LMX1A: variants seen among roughly 807,000 people sequenced by gnomAD.
LMX1A encodes LIM homeobox transcription factor 1-alpha.
Under a neutral mutation model 49.1 loss-of-function variants are expected in LMX1A, and 15 were observed. That is an observed-to-expected ratio of 0.31 (90% CI 0.20 to 0.47). The LOEUF (loss-of-function observed/expected upper bound fraction) is 0.47, where lower values mean the gene tolerates loss of function less well. LMX1A is among the 20% of genes least tolerant of loss of function. The pLI is 1.00. For missense variants in LMX1A, 372 were observed against 475.8 expected, an observed-to-expected ratio of 0.78 and a Z score of 2.03; for synonymous variants, 167 against 185.7, an observed-to-expected ratio of 0.90 and a Z score of 0.82.
chr1:165,207,995 G>C (rs2102595970), intron 7 of LMX1A, 68 bp downstream of exon 7: 1 of 1,355,336 alleles, frequency 7.4e-7, no homozygotes, highest in East Asian at 2.3e-5. Flanking sequence ...GAGCTGGGTA[G>C]TGGGAGGCCT....
intron 3 of LMX1A, among the ~76,000 whole-genome samples, chr1:165,333,029 A>T (rs189458691): frequency 6.6e-6 from 1 of 152,246 alleles, no homozygotes; most frequent in Non-Finnish European, 1.5e-5. Context: ...TGGGACCATC[A>T]CTTAGCCTCT....
At chr1:165,294,745 C>T (rs1654568724) in intron 3 of LMX1A, among the ~76,000 whole-genome samples, 1 of 152,224 alleles carries the variant, frequency 6.6e-6, no homozygotes, top group South Asian at 2.1e-4. Flanking sequence ...AGGCGGATCA[C>T]TTGAGGTCAG....
chr1:165,338,423 C>A (rs1321634896), intron 3 of LMX1A, among the ~76,000 whole-genome samples: 1 of 152,132 alleles, frequency 6.6e-6, no homozygotes, highest in African/African-American at 2.4e-5. Flanking sequence ...GGGAAAGGGG[C>A]CGGTGATGGA....
At chr1:165,285,856 G>T (rs1030197317) in intron 3 of LMX1A, among the ~76,000 whole-genome samples, 13 of 152,216 alleles carry the variant, frequency 8.5e-5, no homozygotes, top group Admixed American at 8.5e-4. Context: ...AAGGACGGGG[G>T]CTATGAGACA....
chr1:165,348,166 C>T (rs1656306593), intron 3 of LMX1A, among the ~76,000 whole-genome samples: 1 of 151,986 alleles, frequency 6.6e-6, no homozygotes, highest in African/African-American at 2.4e-5. Context: ...TAAAACGAGA[C>T]TGAATAAATA....
chr1:165,224,084 T>G (rs1362930011), intron 4 of LMX1A, among the ~76,000 whole-genome samples: 1 of 152,198 alleles, frequency 6.6e-6, no homozygotes, highest in Non-Finnish European at 1.5e-5. Flanking sequence ...ACACCATCCC[T>G]CTTGGTGTTG....
chr1:165,276,369 C>G (rs1475140994), intron 3 of LMX1A, among the ~76,000 whole-genome samples: 1 of 152,184 alleles, frequency 6.6e-6, no homozygotes, highest in East Asian at 1.9e-4. Context: ...ATGATTCCAG[C>G]TGAGGCAGCC....
At chr1:165,275,435 A>T (rs12726303) in intron 3 of LMX1A, among the ~76,000 whole-genome samples, 7,750 of 152,272 alleles carry the variant, frequency 0.051, 309 homozygotes, top group East Asian at 0.12. Context: ...CCCAGTAAAA[A>T]TACCAAAGGC....
At chr1:165,314,007 A>T (rs1177336741) in intron 3 of LMX1A, among the ~76,000 whole-genome samples, 1 of 152,188 alleles carries the variant, frequency 6.6e-6, no homozygotes, top group Non-Finnish European at 1.5e-5. Flanking sequence ...GTGAGTGGTT[A>T]TGCTAGAGAT....
chr1:165,341,415 C>T (rs1410940165), intron 3 of LMX1A, among the ~76,000 whole-genome samples: 1 of 152,152 alleles, frequency 6.6e-6, no homozygotes, highest in African/African-American at 2.4e-5. Context: ...TTCCATGAAG[C>T]TTTTTAAACA....
intron 3 of LMX1A, among the ~76,000 whole-genome samples, chr1:165,281,632 G>A (rs896649198): frequency 6.6e-6 from 1 of 152,168 alleles, no homozygotes; most frequent in Non-Finnish European, 1.5e-5. Flanking sequence ...AATGATGGCT[G>A]CAACTGTATG....
chr1:165,286,006 A>G (rs1046056980), intron 3 of LMX1A, among the ~76,000 whole-genome samples: 9 of 152,178 alleles, frequency 5.9e-5, no homozygotes, highest in Non-Finnish European at 1.3e-4. Flanking sequence ...ATAGGCTAAA[A>G]TCCAAGGGGA....
At chr1:165,233,707 C>T (rs1210657923) in intron 4 of LMX1A, among the ~76,000 whole-genome samples, 5 of 152,322 alleles carry the variant, frequency 3.3e-5, no homozygotes, top group African/African-American at 1.2e-4. Context: ...AACTCTCAGT[C>T]ATCCTCAACT....
At chr1:165,251,373 G>T (rs1653055824) in intron 3 of LMX1A, among the ~76,000 whole-genome samples, 1 of 152,174 alleles carries the variant, frequency 6.6e-6, no homozygotes, top group Non-Finnish European at 1.5e-5. Flanking sequence ...ATGAGCCACT[G>T]CTCCAGGCTT....
Position 165,222,889 on chromosome 1 carries a change from A to G in LMX1A, c.497-9076T>C, listed in dbSNP as rs1324497838. On this transcript the variant is annotated intron_variant, in intron 4 of 8. Coordinates refer to ENST00000342310, the MANE Select transcript of LMX1A (RefSeq NM_177398.4). ...AGAGCAAGATAAAACAGGGTCAGAT[A>G]CCTAGCCTTTGTTCTTACCTCCACT... 2.6e-5 allele frequency among the ~76,000 whole-genome samples: 4 copies of G among 152,196 alleles called. No homozygotes were observed. The South Asian group carries it at 6.2e-4, about 24-fold the overall frequency.
At chr1:165,337,271 T>C (rs1267512243) in intron 3 of LMX1A, among the ~76,000 whole-genome samples, 1 of 152,216 alleles carries the variant, frequency 6.6e-6, no homozygotes, top group Non-Finnish European at 1.5e-5. Flanking sequence ...ATATCTTTAA[T>C]TAAATGATAA....
intron 3 of LMX1A, among the ~76,000 whole-genome samples, chr1:165,256,050 C>T (rs1259946411): frequency 6.6e-6 from 1 of 152,114 alleles, no homozygotes; most frequent in Non-Finnish European, 1.5e-5. Flanking sequence ...ATGACTTTGA[C>T]ATGGGCATGA....
At chr1:165,213,024 C>T (rs1360825855) in intron 5 of LMX1A, 2 of 152,242 alleles carry the variant, frequency 1.3e-5, no homozygotes, top group East Asian at 1.9e-4. Context: ...ATAACAGAGC[C>T]ACCCACCAGC....
intron 6 of LMX1A, 108 bp downstream of exon 6, chr1:165,210,590 CT>C: frequency 1.5e-6 from 1 of 670,436 alleles, no homozygotes; most frequent in East Asian, 2.9e-5. Flanking sequence ...GAGAACTACT[CT>C]ATCCAATGAG....
Sources: gnomAD v4.1 joint callset for allele counts (sites outside exome capture counted in the v4.1 genomes callset) on GRCh38, gnomAD v4.1.1 for gene constraint, MANE v1.5 for transcripts, NCBI Gene and HGNC (gene_info 2026-07-23, HGNC 2026-07-21) for gene names.